NPAS4: variants seen among roughly 807,000 people sequenced by gnomAD.
The protein encoded by NPAS4 is neuronal PAS domain protein 4, also known as neuronal PAS domain-containing protein 4.
In NPAS4, 10 loss-of-function variants were observed where a neutral mutation model predicts 64.0. The ratio of observed to expected loss-of-function variants is 0.16; its 90% CI spans 0.10 to 0.26. The LOEUF is 0.26. NPAS4 is among the 10% of genes least tolerant of loss of function. The pLI is 1.00. For synonymous variants in NPAS4, 441 were observed against 411.7 expected, an observed-to-expected ratio of 1.07 and a Z score of -0.86; for missense variants, 886 against 992.6, an observed-to-expected ratio of 0.89 and a Z score of 1.44.
rs1360516626 is a variant in NPAS4 at position 66,426,211 on chromosome 11, A to T, written c.*222A>T. ...TTCGAGCGATCCCAGTTTCCATTTC[A>T]ATCTGTATTCACTCGTAGTGAGTTT... On this transcript the variant is annotated 3_prime_UTR_variant, in exon 8 of 8. Transcript: ENST00000311034. 2 of 547,256 alleles carry T rather than the reference A, an allele frequency of 3.7e-6. No individual in the cohort carries two copies. Among genetic ancestry groups the T allele is most frequent in the Non-Finnish European group, 6.6e-6 (2 of 303,838 alleles). The allele number at this position is 547,256 out of a possible 1,614,324, so 33.9% of individuals were successfully genotyped here.
the NPAS4 span, chr11:66,409,180 C>T: frequency 6.6e-6 from 1 of 151,834 alleles, no homozygotes; most frequent in Non-Finnish European, 1.5e-5. Flanking sequence ...GGAGTGGCGG[C>T]TCCACCAGAG....
At position 66,424,316 on chromosome 11, in the gene NPAS4, A is replaced by G. The variant is rs1187772531; in HGVS notation, c.1426A>G (p.Thr476Ala). The G allele has an allele frequency of 1.2e-6, 2 of 1,614,128 alleles. No individual in the cohort carries two copies. The highest frequency in any genetic ancestry group is 1.1e-5 in the South Asian group (1 of 91,082). ...TGATCAGTTGACGCCCAGCAGTGCA[A>G]CCTTCCCAGATCCACTAACTAGCCC... ...FSDQLTPSSATFPDPLTSPLQ... is the reference protein window; with the variant it reads ...FSDQLTPSSAAFPDPLTSPLQ... Residue 476 changes from threonine to alanine, a missense_variant, in exon 7 of 8, where the codon ACC (threonine) becomes GCC (alanine). Transcript: ENST00000311034.
chr11:66,422,132 C>A lies in NPAS4; in HGVS notation c.188C>A (p.Ala63Glu). Residue 63 changes from alanine (A) to glutamate (E), a missense_variant, in exon 2 of 8, where the codon GCG (alanine) becomes GAG (glutamate). Ala to Glu is a moderately radical substitution (Grantham distance 107). This residue lies in a region of NPAS4 where 820 missense variants were observed against 855.5 expected (regional missense o/e 0.96). Transcript: ENST00000311034. ...TCTCGCCCTACAGGCACTCCTCTGG[C>A]GGGCCCCACGGGGCTTCTCTCAGCT... Reference protein sequence around the residue: ...GVFFAGGTPLAGPTGLLSAQE... With the variant: ...GVFFAGGTPLEGPTGLLSAQE... 1 of 1,613,846 alleles carries A rather than the reference C, an allele frequency of 6.2e-7. No homozygotes were observed. Among genetic ancestry groups the A allele is most frequent in the Middle Eastern group, 1.7e-4 (1 of 6,012 alleles).
At chr11:66,420,144 C>A (rs893191118), upstream of NPAS4, among the ~76,000 whole-genome samples, 1 of 152,192 alleles carries the variant, frequency 6.6e-6, no homozygotes, top group African/African-American at 2.4e-5. Flanking sequence ...GGGCCGGCAA[C>A]GGGGGGAAGG....
chr11:66,425,913 T>G, intron 7 of NPAS4, 48 bp from the exon 8 acceptor site: 1 of 1,425,478 alleles, frequency 7.0e-7, no homozygotes, highest in Non-Finnish European at 9.9e-7. Flanking sequence ...GGATCCTCTG[T>G]GCTAATTGGT....
chr11:66,421,035 G>A lies in NPAS4; in HGVS notation c.-145G>A. On this transcript the variant is annotated 5_prime_UTR_variant, in exon 1 of 8. Coordinates refer to ENST00000311034, the MANE Select transcript of NPAS4 (RefSeq NM_178864.4). ...TAAGGCGGCGTGAGGCAGGCGAGGGGGGCAGCGCAGCCGAGCGGAGCCCAG... is the reference window on the plus strand; with the variant it reads ...TAAGGCGGCGTGAGGCAGGCGAGGGAGGCAGCGCAGCCGAGCGGAGCCCAG... The A allele has an allele frequency of 4.4e-6, 3 of 689,518 alleles. No individual in the cohort carries two copies. The highest frequency in any genetic ancestry group is 7.2e-6 in the Non-Finnish European group (3 of 416,942). 42.7% of individuals were successfully genotyped at this position (689,518 alleles called of 1,614,324 possible). A position where few individuals can be genotyped will look rare whatever the true frequency, so the allele number is the denominator to read the frequency against.
At chr11:66,415,088 C>T in the NPAS4 span, among the ~76,000 whole-genome samples, 882 of 152,206 alleles carry the variant, frequency 5.8e-3, 2 homozygotes, top group Non-Finnish European at 9.2e-3. Flanking sequence ...AGCCCTGAGA[C>T]CCCCCTGCCC....
rs1218101648 is a variant in NPAS4 at position 66,422,886 on chromosome 11, G to A, written c.643G>A (p.Ala215Thr). ...PGPGPASLFL[A>T]MFQSRHAKDL... Reference sequence around the variant, plus strand: ...CCCTGGCCCTGCCTCGCTCTTCCTGGCCATGTTCCAGAGCCGCCATGCTAA... The same window carrying A: ...CCCTGGCCCTGCCTCGCTCTTCCTGACCATGTTCCAGAGCCGCCATGCTAA... The change falls in exon 4 of 8, where the codon GCC becomes ACC. Residue 215 changes from alanine to threonine, a missense_variant. By Grantham distance (58) the Ala-to-Thr change is moderately conservative (BLOSUM62 0). Around this residue, in one of 3 missense-constraint regions of NPAS4, gnomAD observed 820 missense variants for 855.5 expected, o/e 0.96. Transcript: ENST00000311034. 1.9e-6 allele frequency: 3 copies of A among 1,610,738 alleles called. No homozygotes were observed. The highest frequency in any genetic ancestry group is 3.3e-4 in the Middle Eastern group (2 of 6,062).
chr11:66,414,289 G>A, the NPAS4 span, among the ~76,000 whole-genome samples: 3 of 152,198 alleles, frequency 2.0e-5, no homozygotes, highest in Admixed American at 6.5e-5. Context: ...AGTATTGGTC[G>A]CTGCTCTGCA....
upstream of NPAS4, among the ~76,000 whole-genome samples, chr11:66,419,804 G>C (rs1022954040): frequency 6.6e-6 from 1 of 152,218 alleles, no homozygotes; most frequent in Non-Finnish European, 1.5e-5. Flanking sequence ...TGAAGGTGGA[G>C]AGGCAGAGCC....
At chr11:66,420,034 C>T (rs999367817), upstream of NPAS4, among the ~76,000 whole-genome samples, 4 of 152,158 alleles carry the variant, frequency 2.6e-5, no homozygotes, top group African/African-American at 9.7e-5. Flanking sequence ...CGGAGGATTC[C>T]TGTCCTAATA....
At chr11:66,420,592 C>G (rs796972957), upstream of NPAS4, among the ~76,000 whole-genome samples, 1 of 152,230 alleles carries the variant, frequency 6.6e-6, no homozygotes, top group African/African-American at 2.4e-5. Flanking sequence ...GTAGACAACC[C>G]TGTTCTTCCC....
At chr11:66,425,441 G>C (rs1856825371) in intron 7 of NPAS4, among the ~76,000 whole-genome samples, 171 bp downstream of exon 7, 1 of 152,074 alleles carries the variant, frequency 6.6e-6, no homozygotes, top group Non-Finnish European at 1.5e-5. Flanking sequence ...GACTTAATAT[G>C]AAAGTTTGAA....
In NPAS4 at chr11:66,424,291, T is replaced by G; in HGVS notation, c.1401T>G (p.Ser467=). The G allele has an allele frequency of 6.2e-7, 1 of 1,614,154 alleles. No individual in the cohort carries two copies. Among genetic ancestry groups the G allele is most frequent in the Non-Finnish European group, 8.5e-7 (1 of 1,180,018 alleles). ...TGACTCCAAGCACTGCGACCTTCTC[T>G]GATCAGTTGACGCCCAGCAGTGCAA... is the stretch of plus-strand genomic sequence containing the variant. ...EQLTPSTATF[S]DQLTPSSATF... is the part of the protein sequence containing the mutation. The change falls in exon 7 of 8, where the codon TCT becomes TCG. Residue 467 remains serine, a synonymous_variant. Coordinates refer to ENST00000311034, the MANE Select transcript of NPAS4 (RefSeq NM_178864.4).
chr11:66,419,288 A>G (rs914985264), upstream of NPAS4, among the ~76,000 whole-genome samples: 4 of 152,056 alleles, frequency 2.6e-5, no homozygotes, highest in African/African-American at 9.7e-5. Flanking sequence ...CCTCTGCCAA[A>G]ATGCATAAGA....
At chr11:66,423,039 G>A in intron 4 of NPAS4, 84 bp from the exon 5 acceptor site, 3 of 1,518,202 alleles carry the variant, frequency 2.0e-6, no homozygotes, top group Non-Finnish European at 1.8e-6. Context: ...GGTTTAGGGG[G>A]GCAGAGGATC....
rs767132486 is a variant in NPAS4, at chr11:66,424,825, C to T, written c.1935C>T (p.Gly645=). 9 of 1,613,564 alleles carry T rather than the reference C, an allele frequency of 5.6e-6. No individual in the cohort carries two copies. The Admixed American group carries it at 1.3e-4, about 24-fold the overall frequency. The part of the protein sequence containing the change: ...LIQQISQLAQ[G]MDRPFSAEAG... ...AGCAGATTAGCCAATTGGCTCAGGGCATGGACAGACCCTTCTCAGCTGAGG... is the reference window on the plus strand; with the variant it reads ...AGCAGATTAGCCAATTGGCTCAGGGTATGGACAGACCCTTCTCAGCTGAGG... Residue 645 remains glycine, a synonymous_variant, in exon 7 of 8, where the codon GGC becomes GGT. Coordinates refer to ENST00000311034, the MANE Select transcript of NPAS4 (RefSeq NM_178864.4).
In NPAS4 at chr11:66,422,356, A is replaced by G. The variant is rs140363432; in HGVS notation, c.327+85A>G. On this transcript the variant is annotated intron_variant, in intron 2 of 7. Transcript: ENST00000311034. Reference sequence around the variant, plus strand: ...CACTCCTGAGGAACTGGGAATTACTATGGAGGGAGAGGTTATACCCTACAA... The same window carrying G: ...CACTCCTGAGGAACTGGGAATTACTGTGGAGGGAGAGGTTATACCCTACAA... 508 of 1,498,630 alleles carry G rather than the reference A, an allele frequency of 3.4e-4. No individual in the cohort carries two copies. The African/African-American group carries it at 6.2e-3, about 18-fold the overall frequency. The allele number at this position is 1,498,630 out of a possible 1,614,324, so 92.8% of individuals were successfully genotyped here.
At chr11:66,415,407 G>C in the NPAS4 span, among the ~76,000 whole-genome samples, 1 of 152,190 alleles carries the variant, frequency 6.6e-6, no homozygotes, top group African/African-American at 2.4e-5. Context: ...AGAAACAAGT[G>C]GAGATATTCC....
Sources: allele counts gnomAD v4.1 joint callset (sites outside exome capture counted in the v4.1 genomes callset), GRCh38; gene constraint gnomAD v4.1.1; regional missense constraint gnomAD v4.1.1; transcripts MANE v1.5; gene names NCBI Gene and HGNC (gene_info 2026-07-23, HGNC 2026-07-21).